The following RIT2 variants were observed in gnomAD, a reference collection of about 807,000 sequenced individuals.
The protein encoded by RIT2 is GTP-binding protein Rit2.
RIT2 carries 24 observed loss-of-function variants against 23.7 expected under a neutral mutation model. The ratio of observed to expected loss-of-function variants is 1.01; its 90% CI spans 0.73 to 1.43. The LOEUF (loss-of-function observed/expected upper bound fraction) is 1.43. Among genes scored for constraint, RIT2 ranks in the 40% most tolerant of loss-of-function variants. RIT2 has a pLI of 0.00. For missense variants in RIT2, 236 were observed against 266.9 expected, an observed-to-expected ratio of 0.88 and a Z score of 0.81; for synonymous variants, 107 against 91.1, an observed-to-expected ratio of 1.17 and a Z score of -0.99.
At chr18:42,901,693 C>A (rs1323306902) in intron 4 of RIT2, among the ~76,000 whole-genome samples, 2 of 151,956 alleles carry the variant, frequency 1.3e-5, no homozygotes, top group Non-Finnish European at 2.9e-5. Flanking sequence ...TATTATAAAA[C>A]CATGCTGTTT....
chr18:42,905,476 GT>G (rs1278278555), intron 4 of RIT2, among the ~76,000 whole-genome samples: 2 of 152,062 alleles, frequency 1.3e-5, no homozygotes, highest in African/African-American at 4.8e-5. Flanking sequence ...ATGGTTGTTT[GT>G]TTGTTTGTTT....
intron 4 of RIT2, among the ~76,000 whole-genome samples, chr18:42,911,406 A>T (rs916466123): frequency 2.0e-5 from 3 of 151,942 alleles, no homozygotes; most frequent in Non-Finnish European, 4.4e-5. Context: ...AATCAATAAA[A>T]TCGGTAAACT....
intron 1 of RIT2, among the ~76,000 whole-genome samples, chr18:43,065,010 G>A (rs1243841101): frequency 6.6e-6 from 1 of 151,640 alleles, no homozygotes; most frequent in East Asian, 1.9e-4. Flanking sequence ...AGTAGAGACA[G>A]GGTTTCAGCA....
At chr18:43,016,975 G>A (rs982639667) in intron 2 of RIT2, among the ~76,000 whole-genome samples, 5 of 151,868 alleles carry the variant, frequency 3.3e-5, no homozygotes, top group Non-Finnish European at 5.9e-5. Context: ...CTTTGAAGAG[G>A]CCAAAAATTA....
At chr18:42,832,375 T>A (rs537194424) in intron 4 of RIT2, among the ~76,000 whole-genome samples, 1 of 152,228 alleles carries the variant, frequency 6.6e-6, no homozygotes, top group African/African-American at 2.4e-5. Flanking sequence ...AATAAACTTA[T>A]ATAGGCCAGT....
chr18:42,969,970 G>T (rs1189641048), intron 3 of RIT2, among the ~76,000 whole-genome samples: 2 of 151,952 alleles, frequency 1.3e-5, no homozygotes, highest in Non-Finnish European at 2.9e-5. Flanking sequence ...TGAAGACAGA[G>T]CCTCAATTTT....
intron 1 of RIT2, among the ~76,000 whole-genome samples, chr18:43,038,246 C>A (rs1945747721): frequency 7.2e-6 from 1 of 139,706 alleles, no homozygotes; most frequent in Admixed American, 7.1e-5. Context: ...TTTTCAGGTA[C>A]AAGTGGGTCA....
chr18:42,886,433 T>C (rs1364327833), intron 4 of RIT2, among the ~76,000 whole-genome samples: 1 of 152,186 alleles, frequency 6.6e-6, no homozygotes, highest in Non-Finnish European at 1.5e-5. Context: ...GATGTTCAGA[T>C]TGTATGAACT....
intron 4 of RIT2, among the ~76,000 whole-genome samples, chr18:42,786,098 G>A (rs1435608867): frequency 6.6e-6 from 1 of 152,122 alleles, no homozygotes; most frequent in Non-Finnish European, 1.5e-5. Context: ...CAAATTTTTG[G>A]CACATGAGGA....
chr18:42,962,164 G>A (rs1910108050), intron 3 of RIT2, among the ~76,000 whole-genome samples: 1 of 152,126 alleles, frequency 6.6e-6, no homozygotes, highest in Admixed American at 6.5e-5. Context: ...CATTCTACCA[G>A]AAAGAACTTT....
chr18:42,847,023 A>T (rs1167863331), intron 4 of RIT2, among the ~76,000 whole-genome samples: 1 of 152,134 alleles, frequency 6.6e-6, no homozygotes, highest in East Asian at 1.9e-4. Context: ...TGTCGGTTAC[A>T]TACGCCTCTT....
chr18:42,752,546 AAGCACCGC>A (rs1318503602), intron 4 of RIT2, among the ~76,000 whole-genome samples: 1 of 152,138 alleles, frequency 6.6e-6, no homozygotes, highest in South Asian at 2.1e-4. Context: ...ATCTTCCATT[AAGCACCGC>A]TTCCCTTCTT....
At chr18:42,851,240 T>C (rs1236506293) in intron 4 of RIT2, among the ~76,000 whole-genome samples, 1 of 152,228 alleles carries the variant, frequency 6.6e-6, no homozygotes, top group Non-Finnish European at 1.5e-5. Context: ...CTTGATACTT[T>C]ACATTTGTGG....
At chr18:42,943,072 G>C (rs1199904350) in intron 3 of RIT2, among the ~76,000 whole-genome samples, 1 of 152,010 alleles carries the variant, frequency 6.6e-6, no homozygotes, top group Admixed American at 6.6e-5. Context: ...CAGTGAAGAG[G>C]GAAAGAACAA....
chr18:42,773,070 C>A (rs1906442561), intron 4 of RIT2, among the ~76,000 whole-genome samples: 1 of 152,162 alleles, frequency 6.6e-6, no homozygotes, highest in Non-Finnish European at 1.5e-5. Context: ...TACACTGTAT[C>A]TCTTCATCCA....
intron 2 of RIT2, among the ~76,000 whole-genome samples, chr18:43,027,470 T>C (rs1437187379): frequency 6.6e-6 from 1 of 152,056 alleles, no homozygotes; most frequent in African/African-American, 2.4e-5. Flanking sequence ...AGTACTGGCT[T>C]ATGTAGGAGC....
intron 4 of RIT2, among the ~76,000 whole-genome samples, chr18:42,872,926 GTGTAC>G (rs1598693392): frequency 6.6e-6 from 1 of 152,134 alleles, no homozygotes; most frequent in East Asian, 1.9e-4. Context: ...GTTGTTTGTA[GTGTAC>G]TATAGATGTA....
At chr18:42,753,569 G>T (rs1030535302) in intron 4 of RIT2, among the ~76,000 whole-genome samples, 1 of 152,062 alleles carries the variant, frequency 6.6e-6, no homozygotes, top group Non-Finnish European at 1.5e-5. Flanking sequence ...ATATCTTCTT[G>T]TAAGTGTTTC....
At chr18:42,898,416 A>G (rs1238266136) in intron 4 of RIT2, among the ~76,000 whole-genome samples, 1 of 152,144 alleles carries the variant, frequency 6.6e-6, no homozygotes, top group African/African-American at 2.4e-5. Context: ...AACAAAAAAG[A>G]GAAGTGTGGG....
Sources: gnomAD v4.1 joint callset for allele counts (sites outside exome capture counted in the v4.1 genomes callset) on GRCh38, gnomAD v4.1.1 for gene constraint, MANE v1.5 for transcripts, NCBI Gene and HGNC (gene_info 2026-07-23, HGNC 2026-07-21) for gene names.